ARMC9: variants seen among roughly 807,000 people sequenced by gnomAD.
The protein encoded by ARMC9 is armadillo repeat containing 9.
Under a neutral mutation model 107.0 loss-of-function variants are expected in ARMC9, and 94 were observed. That is an observed-to-expected ratio of 0.88 (90% CI 0.74 to 1.04). ARMC9 has a LOEUF of 1.04. ARMC9 is among the 50% of genes least tolerant of loss of function. The pLI is 0.00. For missense variants in ARMC9, 942 were observed against 1,030.1 expected (o/e 0.91, Z 1.17); for synonymous variants, 380 against 396.9 (o/e 0.96, Z 0.51).
intron 13 of ARMC9, among the ~76,000 whole-genome samples, chr2:231,272,672 C>G (rs1226530651): frequency 1.3e-5 from 2 of 151,908 alleles, no homozygotes; most frequent in Non-Finnish European, 2.9e-5. Context: ...TCTGCCACCA[C>G]ACCCAGCTAA....
rs746287033 is a variant in ARMC9 at position 231,214,909 on chromosome 2, A to C, written c.256A>C (p.Ile86Leu). 1.9e-6 allele frequency: 3 copies of C among 1,614,190 alleles called. No individual in the cohort carries two copies. The South Asian group carries it at 3.3e-5, about 18-fold the overall frequency. The change falls in exon 4 of 25, where the codon ATC (isoleucine) becomes CTC (leucine). Residue 86 changes from isoleucine to leucine, a missense_variant. Transcript: ENST00000611582. ...GTGGGAGGAGCACATTTCAAGTTCC[A>C]TCCGAGATGGGGACTCCTTTGCCCA... ...DLWEEHISSS[I>L]RDGDSFAQKL...
At chr2:231,296,174 C>A in intron 18 of ARMC9, 24 bp from the exon 19 acceptor site, 1 of 1,587,680 alleles carries the variant, frequency 6.3e-7, no homozygotes, top group South Asian at 1.1e-5. Flanking sequence ...ATCCATTATT[C>A]ATTGATTCTT....
intron 7 of ARMC9, among the ~76,000 whole-genome samples, chr2:231,227,983 A>AGCCTGAGTCTTGGAGCT (rs1230128388): frequency 1.3e-5 from 2 of 152,192 alleles, no homozygotes; most frequent in Non-Finnish European, 2.9e-5. Context: ...TCGCAGGAGC[A>AGCCTGAGTCTTGGAGCT]CCCTGAGTCT....
chr2:231,369,714 C>T (rs960676789), intron 23 of ARMC9, among the ~76,000 whole-genome samples: 9 of 152,040 alleles, frequency 5.9e-5, no homozygotes, highest in Non-Finnish European at 1.3e-4. Context: ...CTGCCTCAGC[C>T]TCCTGAGGAG....
chr2:231,322,326 G>A (rs944003800), intron 19 of ARMC9, among the ~76,000 whole-genome samples: 1 of 152,232 alleles, frequency 6.6e-6, no homozygotes, highest in Admixed American at 6.5e-5. Flanking sequence ...CTCCCATGTG[G>A]AGTGTTTTTC....
At chr2:231,272,596 C>T (rs1330701347) in intron 13 of ARMC9, among the ~76,000 whole-genome samples, 1 of 152,034 alleles carries the variant, frequency 6.6e-6, no homozygotes, top group Non-Finnish European at 1.5e-5. Context: ...AGGCTCACTG[C>T]AACCTGCCTC....
At chr2:231,288,116 A>G (rs75811738) in intron 17 of ARMC9, among the ~76,000 whole-genome samples, 1,913 of 152,324 alleles carry the variant, frequency 0.013, 40 homozygotes, top group African/African-American at 0.044. Context: ...GAAGGAGCTC[A>G]TAATATATTT....
chr2:231,314,241 G>A (rs1275733419), intron 19 of ARMC9, among the ~76,000 whole-genome samples: 6 of 151,682 alleles, frequency 4.0e-5, no homozygotes, highest in Non-Finnish European at 7.4e-5. Flanking sequence ...CACCATGCCC[G>A]GCTAATTTTG....
chr2:231,290,161 CATGTTT>C lies in ARMC9; in HGVS notation c.1627-1189_1627-1184del, dbSNP rs897911360. On this transcript the variant is annotated intron_variant, in intron 17 of 24. Coordinates refer to ENST00000611582, the MANE Select transcript of ARMC9 (RefSeq NM_001352754.2). ...TCAAGTCAACTCAAATTGTTATCCT[CATGTTT>C]ATAGTTGAAGAAACAGGCTAGATGA... 8.4e-4 allele frequency among the ~76,000 whole-genome samples: 128 copies of C among 152,318 alleles called. 1 individual carries two copies. Among genetic ancestry groups the C allele is most frequent in the African/African-American group, 2.9e-3 (122 of 41,576 alleles).
intron 22 of ARMC9, among the ~76,000 whole-genome samples, chr2:231,356,992 C>T (rs76483274): frequency 1.0e-3 from 153 of 152,200 alleles, no homozygotes; most frequent in East Asian, 7.7e-3. Flanking sequence ...ACCAAAATGA[C>T]CACTGAGAGG....
chr2:231,220,085 A>G (rs2033956530), intron 5 of ARMC9, among the ~76,000 whole-genome samples: 1 of 152,032 alleles, frequency 6.6e-6, no homozygotes, highest in South Asian at 2.1e-4. Context: ...CCTTCTCTTA[A>G]TCTCTCTGGC....
chr2:231,331,775 C>A lies in ARMC9; in HGVS notation c.1774-18C>A. 1 of 1,609,314 alleles carries A rather than the reference C, an allele frequency of 6.2e-7. No individual in the cohort carries two copies. The highest frequency in any genetic ancestry group is 8.5e-7 in the Non-Finnish European group (1 of 1,176,012). ...TGTCAGGGTGTCCATGGCATTCACC[C>A]CATGTCTCCTGAAACAGGAGGACCA... is the stretch of plus-strand genomic sequence containing the variant. On this transcript the variant is annotated intron_variant, in intron 19 of 24. Transcript: ENST00000611582.
At chr2:231,234,489 A>C (rs1437081096) in intron 7 of ARMC9, among the ~76,000 whole-genome samples, 1 of 152,220 alleles carries the variant, frequency 6.6e-6, no homozygotes, top group East Asian at 1.9e-4. Flanking sequence ...ATTTAAAATA[A>C]AGAAGTGTCC....
At position 231,360,629 on chromosome 2, in the gene ARMC9, A is replaced by AG; in HGVS notation, c.2132-122dup. On this transcript the variant is annotated intron_variant, in intron 22 of 24. Coordinates refer to ENST00000611582, the MANE Select transcript of ARMC9 (RefSeq NM_001352754.2). This position sits in a 1 kb window ranked among gnomAD's most constrained non-coding sequence, Gnocchi z 4.7. ...ACAAGTATCCCAAGCCACAGGCGCC[A>AG]GGGAGCCCGCAGGGCCTGGCCTGGG... The AG allele has an allele frequency of 6.9e-7, 1 of 1,443,382 alleles. No individual in the cohort carries two copies. The highest frequency in any genetic ancestry group is 1.2e-5 in the South Asian group (1 of 81,118). The allele number at this position is 1,443,382 out of a possible 1,614,324, so 89.4% of individuals were successfully genotyped here. A position where few individuals can be genotyped will look rare whatever the true frequency, so the allele number is the denominator to read the frequency against.
At chr2:231,324,661 T>A (rs1283120971) in intron 19 of ARMC9, among the ~76,000 whole-genome samples, 1 of 151,800 alleles carries the variant, frequency 6.6e-6, no homozygotes, top group Non-Finnish European at 1.5e-5. Flanking sequence ...AGAGAATCAC[T>A]TGAACCGAGG....
rs2125605017 is a variant in ARMC9, at chr2:231,376,467, A to G, written c.*4932A>G. Reference sequence around the variant, plus strand: ...GTCTCTTATGGTCGAGGCTGCAGAGATGAAATAAACTCCAGTCTCCCATAG... The same window carrying G: ...GTCTCTTATGGTCGAGGCTGCAGAGGTGAAATAAACTCCAGTCTCCCATAG... On this transcript the variant is annotated 3_prime_UTR_variant, in exon 25 of 25. Transcript: ENST00000611582. Among the ~76,000 whole-genome samples the G allele has an allele frequency of 6.6e-6, 1 of 152,196 alleles. No homozygotes were observed. Among genetic ancestry groups the G allele is most frequent in the Non-Finnish European group, 1.5e-5 (1 of 67,994 alleles).
intron 23 of ARMC9, among the ~76,000 whole-genome samples, chr2:231,365,830 G>A (rs769313435): frequency 2.0e-5 from 3 of 151,926 alleles, no homozygotes; most frequent in Non-Finnish European, 2.9e-5. Flanking sequence ...ACACAGTCTC[G>A]CTCTGTCACC....
chr2:231,301,697 AG>A (rs1294570556), intron 19 of ARMC9, among the ~76,000 whole-genome samples: 1 of 152,136 alleles, frequency 6.6e-6, no homozygotes, highest in Non-Finnish European at 1.5e-5. Flanking sequence ...TTAAAGATTG[AG>A]GCGGGATGTG....
chr2:231,348,553 G>A (rs1230536435), intron 21 of ARMC9, among the ~76,000 whole-genome samples: 1 of 152,170 alleles, frequency 6.6e-6, no homozygotes, highest in Non-Finnish European at 1.5e-5. Flanking sequence ...TACCTGACAA[G>A]CACAGGCAAC....
Sources: gnomAD v4.1 joint callset for allele counts (sites outside exome capture counted in the v4.1 genomes callset) on GRCh38, gnomAD v4.1.1 for gene constraint, Gnocchi (gnomAD v3.1) non-coding constraint, MANE v1.5 for transcripts, NCBI Gene and HGNC (gene_info 2026-07-23, HGNC 2026-07-21) for gene names.